Variants in POLR3E observed in about 807,000 individuals in gnomAD.
POLR3E encodes RNA polymerase III subunit E, also known as DNA-directed RNA polymerase III subunit RPC5.
In POLR3E, 41 loss-of-function variants were observed where a neutral mutation model predicts 96.6. The ratio of observed to expected loss-of-function variants is 0.42; its 90% CI spans 0.33 to 0.55. The LOEUF is 0.55. POLR3E is among the 20% of genes least tolerant of loss of function. The pLI is 0.06. For missense variants in POLR3E, 849 were observed against 952.1 expected, an observed-to-expected ratio of 0.89 and a Z score of 1.43; for synonymous variants, 396 against 383.6, an observed-to-expected ratio of 1.03 and a Z score of -0.38.
chr16:22,315,126 A>G lies in POLR3E; in HGVS notation c.560A>G (p.Gln187Arg), dbSNP rs754456350. 6.2e-7 allele frequency: 1 copy of G among 1,613,514 alleles called. No individual in the cohort carries two copies. The highest frequency in any genetic ancestry group is 8.5e-7 in the Non-Finnish European group (1 of 1,179,848). The part of the protein sequence containing the change: ...FSRPESEQAR[Q>R]RRVQSYEFLQ... ...CGGCCGGAGTCAGAGCAGGCCCGCC[A>G]GCGCCGTGTGCAGTCCTATGAGTTC... Residue 187 changes from glutamine (Q) to arginine (R), a missense_variant, in exon 9 of 21, where the codon CAG (glutamine) becomes CGG (arginine). Coordinates refer to ENST00000299853, the MANE Select transcript of POLR3E (RefSeq NM_018119.4).
chr16:22,320,979 TAG>T (rs2048461668), intron 13 of POLR3E, among the ~76,000 whole-genome samples: 1 of 152,228 alleles, frequency 6.6e-6, no homozygotes, highest in South Asian at 2.1e-4. Context: ...CGGGTTCGTT[TAG>T]ATGTGTCTTT....
At chr16:22,307,809 C>T (rs2048165091) in intron 3 of POLR3E, among the ~76,000 whole-genome samples, 1 of 152,156 alleles carries the variant, frequency 6.6e-6, no homozygotes, top group African/African-American at 2.4e-5. Flanking sequence ...TAGTTAGGCC[C>T]TGGACCCCCA....
intron 18 of POLR3E, chr16:22,326,498 C>G: frequency 1.7e-6 from 1 of 598,024 alleles, no homozygotes; most frequent in South Asian, 1.9e-5. Flanking sequence ...GGGCTAAATA[C>G]GGTGTCTGAA....
chr16:22,328,320 T>G (rs1422495545), intron 18 of POLR3E, 190 bp from the exon 19 acceptor site: 1 of 596,894 alleles, frequency 1.7e-6, no homozygotes, highest in Non-Finnish European at 3.0e-6. Context: ...TGTGCTGGCC[T>G]CCTCCCCATG....
rs375747112 is a variant in POLR3E, at chr16:22,303,022, TC to T, written c.36+22del. ...TACAGGAGGTAACTGCTGCTCTCTGTCCCCTGCCGCCGGGGCTACAGGCAGT... is the reference window on the plus strand; with the variant it reads ...TACAGGAGGTAACTGCTGCTCTCTGTCCCTGCCGCCGGGGCTACAGGCAGT... On this transcript the variant is annotated intron_variant, in intron 2 of 20. Coordinates refer to ENST00000299853, the MANE Select transcript of POLR3E (RefSeq NM_018119.4). The T allele has an allele frequency of 2.9e-3, 4,672 of 1,612,456 alleles. 147 individuals are homozygous for T. In the South Asian group the frequency reaches 0.048, roughly 17 times the overall value.
rs76899316 is a variant in POLR3E, at chr16:22,314,396, G to A, written c.522+268G>A. On this transcript the variant is annotated intron_variant, in intron 8 of 20. Transcript: ENST00000299853. The stretch of plus-strand genomic sequence containing the variant: ...CTGGGGCCAGGAGCCCTGAGGACCC[G>A]CAGACCAGCTCTGCCATGAACCTGT... 5.3e-5 allele frequency among the ~76,000 whole-genome samples: 8 copies of A among 152,306 alleles called. No homozygotes were observed. The East Asian group carries it at 7.7e-4, about 15-fold the overall frequency.
chr16:22,318,502 T>C lies in POLR3E; in HGVS notation c.866-324T>C, dbSNP rs1428106877. Among the ~76,000 whole-genome samples the C allele has an allele frequency of 6.6e-6, 1 of 152,186 alleles. No individual in the cohort carries two copies. The highest frequency in any genetic ancestry group is 1.5e-5 in the Non-Finnish European group (1 of 68,032). The stretch of plus-strand genomic sequence containing the variant: ...AAGTGGCTTGGGTTCACTTCCTGGC[T>C]CTGCTACTTCCTAGCCAAGAGATCA... On this transcript the variant is annotated intron_variant, in intron 12 of 20. Transcript: ENST00000299853. This position sits in a 1 kb window ranked among gnomAD's most constrained non-coding sequence, Gnocchi z 5.0.
At chr16:22,308,528 C>T (rs148910150) in intron 4 of POLR3E, 2 of 482,442 alleles carry the variant, frequency 4.1e-6, no homozygotes, top group South Asian at 2.3e-5. Flanking sequence ...GAATCTAGCG[C>T]CTATCCATGG....
intron 19 of POLR3E, among the ~76,000 whole-genome samples, chr16:22,330,053 C>T (rs576450915): frequency 2.6e-4 from 39 of 149,992 alleles, no homozygotes; most frequent in South Asian, 4.2e-4. Flanking sequence ...AGATATGTTA[C>T]GCCAGTTTTT....
At position 22,314,074 on chromosome 16, in the gene POLR3E, T is replaced by C. The variant is rs1385752754; in HGVS notation, c.473-5T>C. On this transcript the variant is annotated splice_polypyrimidine_tract_variant and splice_region_variant and intron_variant, in intron 7 of 20. Transcript: ENST00000299853. ...ACTGCAGTCAGTGGCTTGTCTCTCT[T>C]GCAGCAGGGGACTCTTCACAGGATG... The C allele has an allele frequency of 5.6e-6, 9 of 1,613,564 alleles. No individual in the cohort carries two copies. The highest frequency in any genetic ancestry group is 7.6e-6 in the Non-Finnish European group (9 of 1,179,572).
At chr16:22,315,682 T>C (rs2048340339) in intron 9 of POLR3E, among the ~76,000 whole-genome samples, 1 of 152,136 alleles carries the variant, frequency 6.6e-6, no homozygotes, top group South Asian at 2.1e-4. Flanking sequence ...TTATTATTTA[T>C]TTATTTATTG....
rs1448250905 is a variant in POLR3E, at chr16:22,332,045, T to C, written c.1945-15T>C. On this transcript the variant is annotated splice_polypyrimidine_tract_variant and intron_variant, in intron 19 of 20. Transcript: ENST00000299853. The stretch of plus-strand genomic sequence containing the variant: ...GATCACTGTTTCCCATCATAACGTG[T>C]TTTTGCTACTAAAGCATCGACAGGT... 6.2e-7 allele frequency: 1 copy of C among 1,611,588 alleles called. No individual in the cohort carries two copies. The highest frequency in any genetic ancestry group is 8.5e-7 in the Non-Finnish European group (1 of 1,178,538).
chr16:22,305,245 G>A, intron 3 of POLR3E, 39 bp downstream of exon 3: 1 of 1,450,176 alleles, frequency 6.9e-7, no homozygotes, highest in Non-Finnish European at 9.7e-7. Context: ...GGAGAAGCAG[G>A]TGTGGGTGGG....
chr16:22,313,110 C>T lies in POLR3E; in HGVS notation c.365-510C>T, dbSNP rs557123098. ...TATCAGAGGCCATGTGGACACTCCACCCAGTTCTAGCAGGGCCTCTTCTCC... is the reference window on the plus strand; with the variant it reads ...TATCAGAGGCCATGTGGACACTCCATCCAGTTCTAGCAGGGCCTCTTCTCC... On this transcript the variant is annotated intron_variant, in intron 6 of 20. Coordinates refer to ENST00000299853, the MANE Select transcript of POLR3E (RefSeq NM_018119.4). This position sits in a 1 kb window ranked among gnomAD's most constrained non-coding sequence, Gnocchi z 4.1. Among the ~76,000 whole-genome samples, 3 of 152,118 alleles carry T rather than the reference C, an allele frequency of 2.0e-5. No homozygotes were observed. Among genetic ancestry groups the T allele is most frequent in the African/African-American group, 7.2e-5 (3 of 41,502 alleles).
In POLR3E at chr16:22,316,631, C is replaced by A. The variant is rs767363672; in HGVS notation, c.673C>A (p.Leu225Met). Residue 225 changes from leucine to methionine, a missense_variant, in exon 10 of 21, where the codon CTG becomes ATG. Physicochemically the swap from Leu to Met is conservative, Grantham distance 15. Transcript: ENST00000299853. ...DSRSEHERQY[L>M]LCPGSSGVEN... Reference sequence around the variant, plus strand: ...TCGCTCTGAGCATGAGCGTCAGTACCTGCTGTGCCCCGGCTCAAGCGGGGT... The same window carrying A: ...TCGCTCTGAGCATGAGCGTCAGTACATGCTGTGCCCCGGCTCAAGCGGGGT... 7.4e-6 allele frequency: 12 copies of A among 1,614,084 alleles called. No homozygotes were observed. The highest frequency in any genetic ancestry group is 1.0e-5 in the Non-Finnish European group (12 of 1,179,958).
In POLR3E at chr16:22,318,274, AG is replaced by A. The variant is rs1312712056; in HGVS notation, c.866-551del. 6.6e-6 allele frequency among the ~76,000 whole-genome samples: 1 copy of A among 152,070 alleles called. No homozygotes were observed. Among genetic ancestry groups the A allele is most frequent in the Non-Finnish European group, 1.5e-5 (1 of 67,994 alleles). On this transcript the variant is annotated intron_variant, in intron 12 of 20. Coordinates refer to ENST00000299853, the MANE Select transcript of POLR3E (RefSeq NM_018119.4). This position sits in a 1 kb window ranked among gnomAD's most constrained non-coding sequence, Gnocchi z 5.0. Reference sequence around the variant, plus strand: ...ACGCCCAGCTAATTTTTGTATTTTTAGTAGAGATGGGGTTTCGCCTTGTTGG... The same window carrying A: ...ACGCCCAGCTAATTTTTGTATTTTTATAGAGATGGGGTTTCGCCTTGTTGG...
At chr16:22,331,946 G>A (rs2048749697) in intron 19 of POLR3E, 114 bp from the exon 20 acceptor site, 2 of 1,053,174 alleles carry the variant, frequency 1.9e-6, no homozygotes, top group Non-Finnish European at 2.8e-6. Flanking sequence ...CTGCGTGAGG[G>A]TTTTTATCAG....
At chr16:22,332,929 T>C (rs556047403) in intron 20 of POLR3E, among the ~76,000 whole-genome samples, 63 of 151,436 alleles carry the variant, frequency 4.2e-4, no homozygotes, top group African/African-American at 1.5e-3. Flanking sequence ...TAAGCACCCT[T>C]GTTCTGGGCA....
At chr16:22,324,744 C>T (rs998982065) in intron 16 of POLR3E, 84 bp downstream of exon 16, 12 of 1,449,908 alleles carry the variant, frequency 8.3e-6, no homozygotes, top group Non-Finnish European at 3.9e-6. Context: ...TGGATCCGAG[C>T]AATCTCTAGA....
Sources: allele counts gnomAD v4.1 joint callset (sites outside exome capture counted in the v4.1 genomes callset), GRCh38; gene constraint gnomAD v4.1.1; non-coding constraint Gnocchi (gnomAD v3.1); transcripts MANE v1.5; gene names NCBI Gene and HGNC (gene_info 2026-07-23, HGNC 2026-07-21).